Variants in SNAPC3 observed in about 807,000 individuals in gnomAD.
SNAPC3 encodes the protein small nuclear RNA activating complex polypeptide 3.
Under a neutral mutation model 47.7 loss-of-function variants are expected in SNAPC3, and 56 were observed. That is an observed-to-expected ratio of 1.18 (90% CI 0.95 to 1.47). The LOEUF (loss-of-function observed/expected upper bound fraction) is 1.47. Among genes scored for constraint, SNAPC3 ranks in the 40% most tolerant of loss-of-function variants. SNAPC3 has a pLI of 0.00. For missense variants in SNAPC3, 665 were observed against 511.3 expected, an observed-to-expected ratio of 1.30 and a Z score of -2.90; for synonymous variants, 235 against 189.9, an observed-to-expected ratio of 1.24 and a Z score of -1.95.
At chr9:15,464,133 C>G (rs561553318), downstream of SNAPC3, 1 of 182,792 alleles carries the variant, frequency 5.5e-6, no homozygotes, top group African/African-American at 2.3e-5. Flanking sequence ...TAGAATAAAT[C>G]TAAGTAAGTT....
chr9:15,458,484 C>T (rs991584098), intron 8 of SNAPC3, among the ~76,000 whole-genome samples: 6 of 152,164 alleles, frequency 3.9e-5, no homozygotes, highest in African/African-American at 1.4e-4. Flanking sequence ...ATCCAAAATG[C>T]TCGAGAGCCA....
intron 3 of SNAPC3, among the ~76,000 whole-genome samples, chr9:15,434,645 A>G (rs764653327): frequency 5.9e-5 from 9 of 152,096 alleles, no homozygotes; most frequent in Middle Eastern, 3.4e-3. Flanking sequence ...ACCTCAAGCA[A>G]TCTGCCTACT....
Position 15,460,653 on chromosome 9 carries a change from A to G in SNAPC3, c.*787A>G, listed in dbSNP as rs1204727025. The G allele has an allele frequency of 6.6e-6, 1 of 152,270 alleles. No homozygotes were observed. Among genetic ancestry groups the G allele is most frequent in the Non-Finnish European group, 1.5e-5 (1 of 68,090 alleles). The allele number at this position is 152,270 out of a possible 1,614,324, so 9.4% of individuals were successfully genotyped here. A position where few individuals can be genotyped will look rare whatever the true frequency, so the allele number is the denominator to read the frequency against. On this transcript the variant is annotated 3_prime_UTR_variant, in exon 9 of 9. Coordinates refer to ENST00000380821, the MANE Select transcript of SNAPC3 (RefSeq NM_001039697.2). ...CGATCCACCCGCCTAAGCCTCCCAA[A>G]ATTTTGGGATCACAGGCGTGAGCCA...
At chr9:15,430,579 G>C (rs2032009584) in intron 2 of SNAPC3, among the ~76,000 whole-genome samples, 1 of 152,170 alleles carries the variant, frequency 6.6e-6, no homozygotes, top group South Asian at 2.1e-4. Context: ...CCCATTTCTA[G>C]TAATTTATAC....
downstream of SNAPC3, chr9:15,465,134 AC>A (rs1270199090): frequency 4.3e-6 from 1 of 234,312 alleles, no homozygotes; most frequent in Non-Finnish European, 8.4e-6. Flanking sequence ...GTTTGTAAAA[AC>A]TATGCACAAA....
chr9:15,464,607 T>C (rs1211855018), downstream of SNAPC3: 2 of 197,242 alleles, frequency 1.0e-5, no homozygotes, highest in Non-Finnish European at 2.1e-5. Context: ...ATAACATTTA[T>C]TCATATTTAT....
chr9:15,465,418 A>G, downstream of SNAPC3: 1 of 1,074,860 alleles, frequency 9.3e-7, no homozygotes, highest in African/African-American at 1.6e-5. Context: ...AGTTTTCAAC[A>G]TCAAACCTAT....
rs79213905 is a variant in SNAPC3, at chr9:15,431,724, C to A, written c.393-1828C>A. Among the ~76,000 whole-genome samples, 73 of 152,122 alleles carry A rather than the reference C, an allele frequency of 4.8e-4. 1 individual carries two copies. In the East Asian group the frequency reaches 0.013, roughly 26 times the overall value. ...TAATGTGTCACATATTTTTCACACA[C>A]CCCAAATGTAATCAGACAATTAAAA... On this transcript the variant is annotated intron_variant, in intron 2 of 8. Transcript: ENST00000380821.
At chr9:15,438,644 G>A (rs2131828881) in intron 3 of SNAPC3, among the ~76,000 whole-genome samples, 1 of 152,150 alleles carries the variant, frequency 6.6e-6, no homozygotes, top group Non-Finnish European at 1.5e-5. Flanking sequence ...TTTTTGTCGA[G>A]TGTTGTTAAA....
rs567362053 is a variant in SNAPC3 at position 15,458,486 on chromosome 9, C to G, written c.1088+419C>G. Reference sequence around the variant, plus strand: ...AAAACCTTGTTTAATCCAAAATGCTCGAGAGCCATGTTCTTTCTGCCTCTT... The same window carrying G: ...AAAACCTTGTTTAATCCAAAATGCTGGAGAGCCATGTTCTTTCTGCCTCTT... On this transcript the variant is annotated intron_variant, in intron 8 of 8. Transcript: ENST00000380821. 3.3e-5 allele frequency among the ~76,000 whole-genome samples: 5 copies of G among 152,274 alleles called. No individual in the cohort carries two copies. The South Asian group carries it at 8.3e-4, about 25-fold the overall frequency.
chr9:15,425,083 G>C (rs940849895), intron 2 of SNAPC3, among the ~76,000 whole-genome samples: 7 of 152,136 alleles, frequency 4.6e-5, no homozygotes, highest in African/African-American at 1.7e-4. Flanking sequence ...AAACTCCTTA[G>C]CTAGACATTT....
rs374939422 is a variant in SNAPC3 at position 15,426,274 on chromosome 9, T to C, written c.392+2288T>C. Among the ~76,000 whole-genome samples, 19 of 152,322 alleles carry C rather than the reference T, an allele frequency of 1.2e-4. No homozygotes were observed. In the East Asian group the frequency reaches 2.7e-3, roughly 22 times the overall value. ...CTTTGCCCAGAACAGTCATTCTTGCTTATCTCCTGACCTTGTTGACTTCTA... is the reference window on the plus strand; with the variant it reads ...CTTTGCCCAGAACAGTCATTCTTGCCTATCTCCTGACCTTGTTGACTTCTA... On this transcript the variant is annotated intron_variant, in intron 2 of 8. Coordinates refer to ENST00000380821, the MANE Select transcript of SNAPC3 (RefSeq NM_001039697.2).
At chr9:15,435,680 G>A (rs2032711684) in intron 3 of SNAPC3, among the ~76,000 whole-genome samples, 1 of 149,170 alleles carries the variant, frequency 6.7e-6, no homozygotes. Context: ...AGCGAGCCCA[G>A]ATTGTGCCAT....
At chr9:15,430,972 T>A (rs1273132859) in intron 2 of SNAPC3, among the ~76,000 whole-genome samples, 1 of 152,218 alleles carries the variant, frequency 6.6e-6, no homozygotes, top group South Asian at 2.1e-4. Context: ...CTTGGCCTTT[T>A]AAATACTTTT....
Position 15,447,094 on chromosome 9 carries a change from G to A in SNAPC3, c.583-1G>A. On this transcript the variant is annotated splice_acceptor_variant, in intron 4 of 8. Coordinates refer to ENST00000380821, the MANE Select transcript of SNAPC3 (RefSeq NM_001039697.2). LOFTEE classifies it high-confidence loss of function. ...ACACTTATTTATTCTTTGACTTTTA[G>A]CACAAAGAACACAAACCATACCAAA... The A allele has an allele frequency of 6.2e-7, 1 of 1,613,240 alleles. No homozygotes were observed. The highest frequency in any genetic ancestry group is 8.5e-7 in the Non-Finnish European group (1 of 1,179,310).
intron 8 of SNAPC3, 40 bp from the exon 9 acceptor site, chr9:15,459,679 T>G: frequency 6.3e-7 from 1 of 1,584,654 alleles, no homozygotes; most frequent in Non-Finnish European, 8.6e-7. Flanking sequence ...GTATGGCAAA[T>G]TTGATTGTAA....
chr9:15,425,896 T>C (rs558115008), intron 2 of SNAPC3, among the ~76,000 whole-genome samples: 1 of 152,266 alleles, frequency 6.6e-6, no homozygotes, highest in Admixed American at 6.5e-5. Flanking sequence ...AATTTCACTC[T>C]TGTTGCCCAG....
chr9:15,450,923 T>C (rs1347280618), intron 5 of SNAPC3, among the ~76,000 whole-genome samples: 4 of 152,014 alleles, frequency 2.6e-5, no homozygotes, highest in Non-Finnish European at 5.9e-5. Context: ...TTACTGAAAA[T>C]ATAAAGAGAG....
intron 7 of SNAPC3, among the ~76,000 whole-genome samples, chr9:15,455,735 G>C (rs1230278002): frequency 6.9e-6 from 1 of 145,870 alleles, no homozygotes; most frequent in African/African-American, 2.6e-5. Context: ...GTTTCGCTCT[G>C]TTGCCTAGGC....
Sources: allele counts gnomAD v4.1 joint callset (sites outside exome capture counted in the v4.1 genomes callset), GRCh38; gene constraint gnomAD v4.1.1; transcripts MANE v1.5; gene names NCBI Gene and HGNC (gene_info 2026-07-23, HGNC 2026-07-21).